CAMK2B: variants seen among roughly 807,000 people sequenced by gnomAD.
CAMK2B encodes calcium/calmodulin-dependent protein kinase type II subunit beta.
In CAMK2B, 27 loss-of-function variants were observed where a neutral mutation model predicts 93.7. That is an observed-to-expected ratio of 0.29 (90% CI 0.21 to 0.40). CAMK2B has a LOEUF of 0.40. CAMK2B is among the 10% of genes least tolerant of loss of function. The probability of loss-of-function intolerance (pLI) is 1.00; values close to 1 mark genes in which losing one functional copy is unlikely to be tolerated. For synonymous variants in CAMK2B, 374 were observed against 358.8 expected, an observed-to-expected ratio of 1.04 and a Z score of -0.48; for missense variants, 568 against 895.8, an observed-to-expected ratio of 0.63 and a Z score of 4.67.
intron 1 of CAMK2B, among the ~76,000 whole-genome samples, chr7:44,306,028 A>G (rs1409246048): frequency 6.6e-6 from 1 of 152,074 alleles, no homozygotes; most frequent in Non-Finnish European, 1.5e-5. Context: ...CTCCCTCTAC[A>G]TACCCCAAAT....
intron 1 of CAMK2B, among the ~76,000 whole-genome samples, chr7:44,291,360 C>T (rs969600057): frequency 4.6e-5 from 7 of 152,160 alleles, no homozygotes; most frequent in South Asian, 2.1e-4. Context: ...GCCATCCTAC[C>T]GCCCCACTGG....
At chr7:44,274,161 A>G (rs1007163100) in intron 2 of CAMK2B, among the ~76,000 whole-genome samples, 1 of 151,992 alleles carries the variant, frequency 6.6e-6, no homozygotes, top group Non-Finnish European at 1.5e-5. Flanking sequence ...ACCCTCCATG[A>G]CCTTCTGTAG....
chr7:44,273,787 T>A (rs910328626), intron 2 of CAMK2B, among the ~76,000 whole-genome samples: 1 of 152,180 alleles, frequency 6.6e-6, no homozygotes, highest in African/African-American at 2.4e-5. Flanking sequence ...ACTCTGTCCA[T>A]GTCCTTTTTG....
At chr7:44,284,532 C>T (rs929251855) in intron 1 of CAMK2B, among the ~76,000 whole-genome samples, 4 of 152,172 alleles carry the variant, frequency 2.6e-5, no homozygotes, top group Non-Finnish European at 5.9e-5. Context: ...GGGAGGGTGG[C>T]GGAGGGGCCC....
chr7:44,293,121 C>G (rs1357417422), intron 1 of CAMK2B, among the ~76,000 whole-genome samples: 9 of 152,208 alleles, frequency 5.9e-5, no homozygotes, highest in African/African-American at 1.4e-4. Context: ...GGGGCAGCGC[C>G]CTTCCCACCC....
intron 3 of CAMK2B, 75 bp from the exon 4 acceptor site, chr7:44,259,001 A>T (rs183853074): frequency 1.5e-6 from 2 of 1,314,132 alleles, no homozygotes; most frequent in East Asian, 4.8e-5. Context: ...GTACCTGTCC[A>T]GGCACACCAC....
At position 44,223,599 on chromosome 7, in the gene CAMK2B, G is replaced by A. The variant is rs1280899500; in HGVS notation, c.1598-2698C>T. On this transcript the variant is annotated intron_variant, in intron 20 of 23. Transcript: ENST00000395749. ...CATATGACACTTGAGGCCCGCCCCC[G>A]CCCCAGCTGCTATGTTCCTGCCTCC... 1.1e-4 allele frequency among the ~76,000 whole-genome samples: 13 copies of A among 113,244 alleles called. 1 individual carries two copies. The South Asian group carries it at 1.2e-3, about 10-fold the overall frequency. The allele number at this position is 113,244 out of a possible 152,430, so 74.3% of individuals were successfully genotyped here.
intron 8 of CAMK2B, 34 bp downstream of exon 8, chr7:44,243,216 G>T: frequency 6.5e-7 from 1 of 1,538,126 alleles, no homozygotes; most frequent in Non-Finnish European, 9.0e-7. Flanking sequence ...AACACCCGAG[G>T]CCCTGCCCCG....
chr7:44,228,113 G>A (rs2096537484), intron 19 of CAMK2B, among the ~76,000 whole-genome samples: 1 of 151,908 alleles, frequency 6.6e-6, no homozygotes, highest in African/African-American at 2.4e-5. Flanking sequence ...CTGCTGGCCA[G>A]CAAGAAGCTG....
chr7:44,255,180 G>C (rs948068442), intron 4 of CAMK2B, among the ~76,000 whole-genome samples: 10 of 152,140 alleles, frequency 6.6e-5, no homozygotes, highest in African/African-American at 2.2e-4. Flanking sequence ...AGGTGTTCGA[G>C]GTCCCATCTC....
intron 2 of CAMK2B, among the ~76,000 whole-genome samples, chr7:44,278,229 G>A (rs980909412): frequency 6.6e-6 from 1 of 152,206 alleles, no homozygotes; most frequent in Admixed American, 6.5e-5. Context: ...AAAGCTACTG[G>A]GTATTCACGA....
intron 1 of CAMK2B, among the ~76,000 whole-genome samples, chr7:44,322,446 A>G (rs1363477411): frequency 6.6e-6 from 1 of 152,262 alleles, no homozygotes; most frequent in Non-Finnish European, 1.5e-5. Context: ...ACCATTTTCA[A>G]TTCTGTGTAG....
intron 2 of CAMK2B, among the ~76,000 whole-genome samples, chr7:44,281,858 C>T (rs1021912317): frequency 3.3e-5 from 5 of 152,164 alleles, no homozygotes; most frequent in Non-Finnish European, 5.9e-5. Context: ...ACTGCTCTCC[C>T]GGCCAGGGGC....
At chr7:44,283,355 C>A (rs939467706) in intron 2 of CAMK2B, among the ~76,000 whole-genome samples, 1 of 152,136 alleles carries the variant, frequency 6.6e-6, no homozygotes, top group African/African-American at 2.4e-5. Flanking sequence ...GGCAGGGAGA[C>A]CCCGTGAGGG....
intron 18 of CAMK2B, 114 bp downstream of exon 18, chr7:44,229,274 T>C: frequency 1.4e-6 from 1 of 692,586 alleles, no homozygotes; most frequent in East Asian, 2.9e-5. Context: ...TGTGGGGTGA[T>C]GAGGCTGGAG....
In CAMK2B at chr7:44,231,031, G is replaced by A; in HGVS notation, c.1200C>T (p.Thr400=). 2 of 1,555,260 alleles carry A rather than the reference G, an allele frequency of 1.3e-6. No homozygotes were observed. The highest frequency in any genetic ancestry group is 2.4e-5 in the South Asian group (2 of 84,186). The stretch of plus-strand genomic sequence containing the variant: ...CTTTAGCGTCTTCATCCTCTATGGT[G>A]GTATTGGCACTGTCAGAAGACTCCT... ...GIKESSDSAN[T]TIEDEDAKAP... Residue 400 remains threonine (T), a synonymous_variant, in exon 17 of 24, where the codon ACC becomes ACT. Transcript: ENST00000395749.
intron 2 of CAMK2B, among the ~76,000 whole-genome samples, chr7:44,267,325 C>T (rs1372942170): frequency 6.6e-6 from 1 of 152,180 alleles, no homozygotes; most frequent in East Asian, 1.9e-4. Context: ...GAGCAGAGTG[C>T]TCTCAGGCCC....
chr7:44,259,279 A>C, intron 3 of CAMK2B: 1 of 238,834 alleles, frequency 4.2e-6, no homozygotes, highest in Non-Finnish European at 8.6e-6. Flanking sequence ...CCCAAACACC[A>C]CGGAGATCAA....
At chr7:44,309,199 T>C (rs1792793576) in intron 1 of CAMK2B, among the ~76,000 whole-genome samples, 1 of 152,200 alleles carries the variant, frequency 6.6e-6, no homozygotes, top group Admixed American at 6.5e-5. Flanking sequence ...ACAGCCAGGC[T>C]GGTGCTCCTC....
Sources: gnomAD v4.1 joint callset for allele counts (sites outside exome capture counted in the v4.1 genomes callset) on GRCh38, gnomAD v4.1.1 for gene constraint, MANE v1.5 for transcripts, NCBI Gene and HGNC (gene_info 2026-07-23, HGNC 2026-07-21) for gene names.